COX7B2: variants seen among roughly 807,000 people sequenced by gnomAD.
The protein encoded by COX7B2 is cytochrome c oxidase subunit 7B2, mitochondrial.
For synonymous variants in COX7B2, 37 were observed against 32.1 expected, an observed-to-expected ratio of 1.15 and a Z score of -0.51; for missense variants, 109 against 95.9, an observed-to-expected ratio of 1.14 and a Z score of -0.57.
intron 2 of COX7B2, among the ~76,000 whole-genome samples, chr4:46,765,289 G>A (rs1294528173): frequency 6.6e-6 from 1 of 151,634 alleles, no homozygotes; most frequent in Non-Finnish European, 1.5e-5. Context: ...CCTCCCTCAA[G>A]CCTGTACAGC....
intron 2 of COX7B2, among the ~76,000 whole-genome samples, chr4:46,840,261 A>C (rs774737039): frequency 2.0e-5 from 3 of 151,994 alleles, no homozygotes; most frequent in Non-Finnish European, 2.9e-5. Context: ...TTTCCCAGAA[A>C]TTCCATCGGA....
intron 2 of COX7B2, among the ~76,000 whole-genome samples, chr4:46,820,983 T>C (rs1224869444): frequency 6.6e-6 from 1 of 151,980 alleles, no homozygotes; most frequent in Non-Finnish European, 1.5e-5. Context: ...AGTCGAAACC[T>C]GAGAATCTGA....
At chr4:46,882,853 T>G (rs967143010) in intron 1 of COX7B2, among the ~76,000 whole-genome samples, 2 of 152,202 alleles carry the variant, frequency 1.3e-5, no homozygotes, top group African/African-American at 2.4e-5. Flanking sequence ...TAAGACAAAA[T>G]GAGTCCACCA....
chr4:46,750,081 G>T (rs748982675), intron 2 of COX7B2, among the ~76,000 whole-genome samples: 7 of 151,698 alleles, frequency 4.6e-5, no homozygotes, highest in Non-Finnish European at 1.0e-4. Context: ...TCTTTTATTG[G>T]CCAGGTGCAG....
intron 2 of COX7B2, among the ~76,000 whole-genome samples, chr4:46,827,985 G>A (rs377031899): frequency 3.8e-4 from 58 of 152,240 alleles, no homozygotes; most frequent in African/African-American, 1.3e-3. Context: ...GGAGGGGATG[G>A]AAATTTTCTA....
chr4:46,777,956 T>C (rs929932749), intron 2 of COX7B2, among the ~76,000 whole-genome samples: 3 of 152,124 alleles, frequency 2.0e-5, no homozygotes, highest in Non-Finnish European at 4.4e-5. Flanking sequence ...GATTTCCATC[T>C]TTTTTTCTCT....
intron 2 of COX7B2, among the ~76,000 whole-genome samples, chr4:46,744,737 A>ATTTTT: frequency 7.4e-6 from 1 of 135,168 alleles, no homozygotes. Flanking sequence ...AAGATATTTT[A>ATTTTT]ATTTTTTTTT....
At chr4:46,899,523 G>A (rs940952673) in intron 1 of COX7B2, among the ~76,000 whole-genome samples, 2 of 151,594 alleles carry the variant, frequency 1.3e-5, no homozygotes, top group Admixed American at 6.6e-5. Context: ...TGGAGGGTGC[G>A]TGTGTGTGTG....
At chr4:46,875,491 T>G (rs928320492) in intron 1 of COX7B2, among the ~76,000 whole-genome samples, 5 of 152,104 alleles carry the variant, frequency 3.3e-5, no homozygotes, top group Admixed American at 2.6e-4. Flanking sequence ...CTAATGACAG[T>G]TTTTGCCACA....
intron 2 of COX7B2, among the ~76,000 whole-genome samples, chr4:46,739,645 C>G (rs1222975241): frequency 6.6e-6 from 1 of 152,006 alleles, no homozygotes; most frequent in Non-Finnish European, 1.5e-5. Flanking sequence ...GATACCTAAG[C>G]TAGATCTTGA....
intron 2 of COX7B2, among the ~76,000 whole-genome samples, chr4:46,762,259 TA>T (rs1204736777): frequency 2.8e-5 from 4 of 141,226 alleles, no homozygotes; most frequent in African/African-American, 1.0e-4. Flanking sequence ...ATTTAATATA[TA>T]ATATATTTAA....
At chr4:46,890,560 G>A (rs1365090121) in intron 1 of COX7B2, among the ~76,000 whole-genome samples, 6 of 152,156 alleles carry the variant, frequency 3.9e-5, no homozygotes, top group Non-Finnish European at 7.4e-5. Flanking sequence ...AAAATATTAA[G>A]AAAAATTGAG....
At chr4:46,793,592 G>A (rs1415453674) in intron 2 of COX7B2, among the ~76,000 whole-genome samples, 1 of 152,158 alleles carries the variant, frequency 6.6e-6, no homozygotes, top group Non-Finnish European at 1.5e-5. Context: ...ATGAGCTCAC[G>A]GATTCAGATG....
chr4:46,825,886 G>A (rs1167991147), intron 2 of COX7B2, among the ~76,000 whole-genome samples: 1 of 152,098 alleles, frequency 6.6e-6, no homozygotes, highest in Non-Finnish European at 1.5e-5. Flanking sequence ...ACACAAGATA[G>A]ATTAAAGGTT....
At chr4:46,744,647 A>T (rs1049073960) in intron 2 of COX7B2, among the ~76,000 whole-genome samples, 1 of 151,752 alleles carries the variant, frequency 6.6e-6, no homozygotes, top group African/African-American at 2.4e-5. Flanking sequence ...TGTCAAAGTC[A>T]TTTCTGCCTT....
intron 2 of COX7B2, among the ~76,000 whole-genome samples, chr4:46,739,363 A>C (rs1714568228): frequency 6.6e-6 from 1 of 152,044 alleles, no homozygotes; most frequent in African/African-American, 2.4e-5. Flanking sequence ...ACAAAACAAA[A>C]CAAAACCAAG....
intron 1 of COX7B2, among the ~76,000 whole-genome samples, chr4:46,908,276 A>G (rs1720529605): frequency 6.6e-6 from 1 of 152,138 alleles, no homozygotes; most frequent in Non-Finnish European, 1.5e-5. Context: ...GACTATAATC[A>G]TACCCTTCTC....
At chr4:46,819,561 T>A (rs1286763257) in intron 2 of COX7B2, among the ~76,000 whole-genome samples, 7 of 141,100 alleles carry the variant, frequency 5.0e-5, no homozygotes, top group Non-Finnish European at 7.8e-5. Flanking sequence ...AAAAAAAAAA[T>A]TCAGACAAAT....
chr4:46,785,776 G>A (rs1239286976), intron 2 of COX7B2, among the ~76,000 whole-genome samples: 1 of 152,028 alleles, frequency 6.6e-6, no homozygotes, highest in East Asian at 1.9e-4. Flanking sequence ...ATAGAGAAGG[G>A]GAGCAACCCA....
Sources: allele counts gnomAD v4.1 joint callset (sites outside exome capture counted in the v4.1 genomes callset), GRCh38; gene constraint gnomAD v4.1.1; transcripts MANE v1.5; gene names NCBI Gene and HGNC (gene_info 2026-07-23, HGNC 2026-07-21).